The following SUGCT variants were observed in gnomAD, a reference collection of about 807,000 sequenced individuals.
The protein encoded by SUGCT is succinyl-CoA:glutarate CoA-transferase.
Under a neutral mutation model 55.0 loss-of-function variants are expected in SUGCT, and 41 were observed. That is an observed-to-expected ratio of 0.74 (90% CI 0.58 to 0.97). The LOEUF is 0.97. SUGCT is among the 50% of genes least tolerant of loss of function. The probability of loss-of-function intolerance (pLI) is 0.00; values close to 1 mark genes in which losing one functional copy is unlikely to be tolerated. For synonymous variants in SUGCT, 187 were observed against 200.4 expected (o/e 0.93, Z 0.56); for missense variants, 568 against 547.8 (o/e 1.04, Z -0.37).
At chr7:40,972,082 T>G in the SUGCT span, among the ~76,000 whole-genome samples, 2 of 152,168 alleles carry the variant, frequency 1.3e-5, no homozygotes, top group Non-Finnish European at 2.9e-5. Context: ...ACCTGTGAAA[T>G]GTTTATGTGT....
At chr7:40,989,311 C>T in the SUGCT span, among the ~76,000 whole-genome samples, 1 of 152,314 alleles carries the variant, frequency 6.6e-6, no homozygotes, top group East Asian at 1.9e-4. Flanking sequence ...CCAAATTCTA[C>T]CACTGCTTTA....
At chr7:40,639,272 A>G (rs777746071) in intron 12 of SUGCT, among the ~76,000 whole-genome samples, 1 of 152,174 alleles carries the variant, frequency 6.6e-6, no homozygotes, top group Non-Finnish European at 1.5e-5. Flanking sequence ...ATTTACCGCT[A>G]CATTCCCAGT....
intron 12 of SUGCT, among the ~76,000 whole-genome samples, chr7:40,500,294 A>T (rs1792207362): frequency 6.6e-6 from 1 of 152,190 alleles, no homozygotes; most frequent in African/African-American, 2.4e-5. Flanking sequence ...TGTACCACAC[A>T]AGTCGAATAT....
intron 8 of SUGCT, among the ~76,000 whole-genome samples, chr7:40,280,500 A>G (rs1168483426): frequency 1.3e-5 from 2 of 152,302 alleles, no homozygotes; most frequent in African/African-American, 4.8e-5. Context: ...TACTACTACA[A>G]TGAGTTAGTT....
intron 12 of SUGCT, among the ~76,000 whole-genome samples, chr7:40,609,520 G>A (rs1798677082): frequency 6.8e-6 from 1 of 146,918 alleles, no homozygotes; most frequent in Non-Finnish European, 1.5e-5. Flanking sequence ...TAAGCAGATT[G>A]CACCTGGGCA....
At chr7:41,037,563 G>A in the SUGCT span, among the ~76,000 whole-genome samples, 1 of 150,860 alleles carries the variant, frequency 6.6e-6, no homozygotes, top group African/African-American at 2.4e-5. Flanking sequence ...TGACAGAACA[G>A]TGAAAATTTC....
At chr7:40,407,015 A>G (rs1051302718) in intron 9 of SUGCT, among the ~76,000 whole-genome samples, 7 of 152,202 alleles carry the variant, frequency 4.6e-5, no homozygotes, top group East Asian at 1.9e-4. Context: ...AATAAAGTCT[A>G]CCTTACAAAA....
At chr7:40,364,011 A>C (rs555150953) in intron 9 of SUGCT, among the ~76,000 whole-genome samples, 7 of 151,952 alleles carry the variant, frequency 4.6e-5, no homozygotes, top group Non-Finnish European at 5.9e-5. Flanking sequence ...TATTGGGTGC[A>C]TATATATTTA....
intron 12 of SUGCT, among the ~76,000 whole-genome samples, chr7:40,600,358 C>T (rs950261949): frequency 3.9e-5 from 6 of 152,172 alleles, no homozygotes; most frequent in Non-Finnish European, 8.8e-5. Context: ...AACACTTTCA[C>T]CCAAATCCCA....
chr7:40,691,125 C>T (rs765220076), intron 12 of SUGCT, among the ~76,000 whole-genome samples: 8 of 152,146 alleles, frequency 5.3e-5, no homozygotes, highest in Non-Finnish European at 7.4e-5. Flanking sequence ...AGAATGAAGA[C>T]GGATTCTATA....
At chr7:40,548,017 T>G (rs1200502061) in intron 12 of SUGCT, among the ~76,000 whole-genome samples, 1 of 152,098 alleles carries the variant, frequency 6.6e-6, no homozygotes, top group Non-Finnish European at 1.5e-5. Flanking sequence ...TCTTAACTAT[T>G]TTGTCTCCTT....
chr7:40,521,651 C>T (rs759644651), intron 12 of SUGCT, among the ~76,000 whole-genome samples: 7 of 151,962 alleles, frequency 4.6e-5, no homozygotes, highest in Admixed American at 2.0e-4. Context: ...TATATCTCTT[C>T]GTTTTTTTCT....
chr7:40,925,671 G>A, the SUGCT span, among the ~76,000 whole-genome samples: 13 of 152,030 alleles, frequency 8.6e-5, no homozygotes, highest in East Asian at 7.7e-4. Context: ...TAGCTGAACC[G>A]GATACCAAGA....
intron 12 of SUGCT, among the ~76,000 whole-genome samples, chr7:40,613,782 G>C (rs954213912): frequency 6.6e-6 from 1 of 152,038 alleles, no homozygotes; most frequent in Non-Finnish European, 1.5e-5. Context: ...AGCTAATTTT[G>C]TATTTTTAGT....
At chr7:40,791,714 T>C (rs1009110354) in intron 13 of SUGCT, among the ~76,000 whole-genome samples, 1 of 152,188 alleles carries the variant, frequency 6.6e-6, no homozygotes, top group Non-Finnish European at 1.5e-5. Context: ...ATGGAAATAT[T>C]ATTTCTGGAT....
At chr7:40,347,908 AGT>A (rs1374362773) in intron 9 of SUGCT, among the ~76,000 whole-genome samples, 10 of 152,296 alleles carry the variant, frequency 6.6e-5, no homozygotes, top group African/African-American at 2.4e-4. Flanking sequence ...AATTTACTAG[AGT>A]GAATGTAAAA....
At chr7:40,950,395 T>A in the SUGCT span, among the ~76,000 whole-genome samples, 1 of 152,252 alleles carries the variant, frequency 6.6e-6, no homozygotes, top group Non-Finnish European at 1.5e-5. Context: ...AACCATGTCA[T>A]CTGCAAACAG....
intron 13 of SUGCT, among the ~76,000 whole-genome samples, chr7:40,781,793 T>G (rs1386167374): frequency 6.6e-6 from 1 of 152,194 alleles, no homozygotes; most frequent in African/African-American, 2.4e-5. Context: ...CTTCTTTAAC[T>G]GACTTTTTAA....
the SUGCT span, among the ~76,000 whole-genome samples, chr7:40,921,713 C>A: frequency 0.014 from 2,069 of 152,258 alleles, 47 homozygotes; most frequent in African/African-American, 0.047. Context: ...AGCTACCAAC[C>A]CCCGGGGGTG....
Sources: allele counts gnomAD v4.1 joint callset (sites outside exome capture counted in the v4.1 genomes callset), GRCh38; gene constraint gnomAD v4.1.1; transcripts MANE v1.5; gene names NCBI Gene and HGNC (gene_info 2026-07-23, HGNC 2026-07-21).